Variants in PRKAA2 observed in about 807,000 individuals in gnomAD.
The protein encoded by PRKAA2 is protein kinase AMP-activated catalytic subunit alpha 2.
PRKAA2 carries 40 observed loss-of-function variants against 56.3 expected under a neutral mutation model. That is an observed-to-expected ratio of 0.71 (90% confidence interval 0.55 to 0.92). The LOEUF is 0.92. Ranked by LOEUF, PRKAA2 falls within the 40% of genes least tolerant of loss-of-function variation. The probability of loss-of-function intolerance (pLI) is 0.00; values close to 1 mark genes in which losing one functional copy is unlikely to be tolerated. For synonymous variants in PRKAA2, 214 were observed against 234.2 expected (o/e 0.91, Z 0.79); for missense variants, 542 against 686.9 (o/e 0.79, Z 2.36).
chr1:56,695,202 A>T (rs192908694), intron 5 of PRKAA2, among the ~76,000 whole-genome samples: 4,307 of 113,146 alleles, frequency 0.038, 119 homozygotes, highest in African/African-American at 0.11. Flanking sequence ...ATATATATAT[A>T]TTTTTTGTTT....
intron 1 of PRKAA2, among the ~76,000 whole-genome samples, chr1:56,661,327 T>C (rs1190264242): frequency 2.6e-5 from 4 of 152,128 alleles, no homozygotes; most frequent in Non-Finnish European, 4.4e-5. Flanking sequence ...ATGACCAGTA[T>C]CCCAGAAGTC....
intron 3 of PRKAA2, 67 bp downstream of exon 3, chr1:56,691,554 AAC>A: frequency 8.0e-7 from 1 of 1,254,686 alleles, no homozygotes. Context: ...TGGGACATAG[AAC>A]AATGCAAAGA....
intron 6 of PRKAA2, among the ~76,000 whole-genome samples, chr1:56,702,337 C>T (rs1161182667): frequency 2.0e-5 from 3 of 152,186 alleles, no homozygotes; most frequent in African/African-American, 7.2e-5. Flanking sequence ...CCTGCCTCGG[C>T]CTCCCAAAGT....
chr1:56,654,761 C>T (rs1248871953), intron 1 of PRKAA2, among the ~76,000 whole-genome samples: 10 of 152,164 alleles, frequency 6.6e-5, no homozygotes, highest in Middle Eastern at 3.4e-3. Flanking sequence ...CTTCTTCACC[C>T]CTTCAAGGGA....
chr1:56,691,386 C>T lies in PRKAA2; in HGVS notation c.237-8C>T. On this transcript the variant is annotated splice_region_variant and splice_polypyrimidine_tract_variant and intron_variant, in intron 2 of 8. Coordinates refer to ENST00000371244, the MANE Select transcript of PRKAA2 (RefSeq NM_006252.4). The stretch of plus-strand genomic sequence containing the variant: ...TACTTTGTTAACTTTTTTTAATTAA[C>T]AAAAAAGATACCAGGTGATCAGCAC... The T allele has an allele frequency of 6.3e-7, 1 of 1,598,682 alleles. No homozygotes were observed. The highest frequency in any genetic ancestry group is 8.6e-7 in the Non-Finnish European group (1 of 1,169,364).
At chr1:56,662,948 G>T (rs1337077596) in intron 1 of PRKAA2, among the ~76,000 whole-genome samples, 2 of 152,094 alleles carry the variant, frequency 1.3e-5, no homozygotes, top group Non-Finnish European at 2.9e-5. Flanking sequence ...TTCTGCTAAG[G>T]TTTTGGCTAA....
In PRKAA2 at chr1:56,704,564, C is replaced by T. The variant is rs970830328; in HGVS notation, c.1293+89C>T. 3.5e-6 allele frequency: 5 copies of T among 1,409,708 alleles called. No homozygotes were observed. In the African/African-American group the frequency reaches 4.3e-5, roughly 12 times the overall value. 87.3% of individuals were successfully genotyped at this position (1,409,708 alleles called of 1,614,324 possible). On this transcript the variant is annotated intron_variant, in intron 7 of 8. Transcript: ENST00000371244. ...TGAGCTCCTGAGTTGAGTATTAAGC[C>T]CAACTTTTTCTAGTAATATGCTATG...
At chr1:56,682,443 A>G (rs1333102916) in intron 2 of PRKAA2, among the ~76,000 whole-genome samples, 1 of 152,166 alleles carries the variant, frequency 6.6e-6, no homozygotes, top group Non-Finnish European at 1.5e-5. Flanking sequence ...TTTCAAAGCA[A>G]GGGGAAGAGC....
chr1:56,650,978 G>C (rs12403897), intron 1 of PRKAA2, among the ~76,000 whole-genome samples: 33,496 of 152,074 alleles, frequency 0.22, 4,363 homozygotes, highest in Admixed American at 0.3. Context: ...TCACACAACT[G>C]TCCCATCAAT....
At chr1:56,697,593 C>A (rs933648213) in intron 6 of PRKAA2, among the ~76,000 whole-genome samples, 1 of 152,094 alleles carries the variant, frequency 6.6e-6, no homozygotes, top group Non-Finnish European at 1.5e-5. Flanking sequence ...AGCATATATA[C>A]TTCTGTTAAT....
chr1:56,693,922 T>A (rs967619930), intron 5 of PRKAA2, 70 bp downstream of exon 5: 8 of 1,068,316 alleles, frequency 7.5e-6, no homozygotes, highest in Non-Finnish European at 1.1e-5. Flanking sequence ...TTACAATATA[T>A]TCTCTATGGA....
chr1:56,695,204 T>TTTATATATATATATATATA (rs1644251569), intron 5 of PRKAA2, among the ~76,000 whole-genome samples: 1 of 139,710 alleles, frequency 7.2e-6, no homozygotes, highest in African/African-American at 2.5e-5. Flanking sequence ...ATATATATAT[T>TTTATATATATATATATATA]TTTTGTTTTG....
chr1:56,671,025 G>A (rs1644071608), intron 1 of PRKAA2, among the ~76,000 whole-genome samples: 1 of 152,140 alleles, frequency 6.6e-6, no homozygotes. Flanking sequence ...AATGTTTTGA[G>A]ATTGAATAAA....
rs752929143 is a variant in PRKAA2, at chr1:56,706,224, G to A, written c.1420+6G>A. ...GGACTTTAAAAGCATTGATGGTAAG[G>A]AAGCTATGCATGCATGAGCTCTGAG... On this transcript the variant is annotated splice_donor_region_variant and intron_variant, in intron 8 of 8. Coordinates refer to ENST00000371244, the MANE Select transcript of PRKAA2 (RefSeq NM_006252.4). 2.5e-6 allele frequency: 4 copies of A among 1,612,346 alleles called. No individual in the cohort carries two copies. The highest frequency in any genetic ancestry group is 2.5e-6 in the Non-Finnish European group (3 of 1,179,650).
At chr1:56,687,559 A>G (rs1056089812) in intron 2 of PRKAA2, among the ~76,000 whole-genome samples, 2 of 152,096 alleles carry the variant, frequency 1.3e-5, no homozygotes, top group Admixed American at 1.3e-4. Context: ...AGCTGTTGTC[A>G]AGGTCTTGGC....
At chr1:56,668,155 A>G (rs1644048633) in intron 1 of PRKAA2, among the ~76,000 whole-genome samples, 1 of 151,968 alleles carries the variant, frequency 6.6e-6, no homozygotes, top group Non-Finnish European at 1.5e-5. Flanking sequence ...GCTTAAAAAC[A>G]AATTTTGTAC....
At chr1:56,650,277 T>G (rs1305611673) in intron 1 of PRKAA2, among the ~76,000 whole-genome samples, 1 of 152,210 alleles carries the variant, frequency 6.6e-6, no homozygotes, top group Non-Finnish European at 1.5e-5. Context: ...TTAAAATGTT[T>G]TAAATTTTGT....
At chr1:56,684,255 G>A (rs1430106786) in intron 2 of PRKAA2, among the ~76,000 whole-genome samples, 5 of 151,956 alleles carry the variant, frequency 3.3e-5, no homozygotes, top group Non-Finnish European at 5.9e-5. Context: ...TTAGGGGGGT[G>A]GTTTCAACAA....
intron 6 of PRKAA2, among the ~76,000 whole-genome samples, chr1:56,701,166 G>C (rs1644291091): frequency 6.6e-6 from 1 of 152,096 alleles, no homozygotes; most frequent in South Asian, 2.1e-4. Flanking sequence ...TTTTGAAAGT[G>C]CTTAACTTTT....
Sources: allele counts gnomAD v4.1 joint callset (sites outside exome capture counted in the v4.1 genomes callset), GRCh38; gene constraint gnomAD v4.1.1; transcripts MANE v1.5; gene names NCBI Gene and HGNC (gene_info 2026-07-23, HGNC 2026-07-21).